The following ADAMTSL1 variants were observed in gnomAD, a reference collection of about 807,000 sequenced individuals.
The protein encoded by ADAMTSL1 is ADAMTS-like protein 1.
In ADAMTSL1, 126 loss-of-function variants were observed where a neutral mutation model predicts 201.8. The ratio of observed to expected loss-of-function variants is 0.62; its 90% confidence interval spans 0.54 to 0.72. The LOEUF is 0.72. Among genes scored for constraint, ADAMTSL1 ranks in the 30% least tolerant of loss-of-function variants. The pLI is 0.00. For missense variants in ADAMTSL1, 2,679 were observed against 2,277.8 expected (o/e 1.18, Z -3.59); for synonymous variants, 1,121 against 903.4 (o/e 1.24, Z -4.32).
chr9:18,298,497 G>C (rs1055270210), intron 2 of ADAMTSL1, among the ~76,000 whole-genome samples: 23 of 152,246 alleles, frequency 1.5e-4, no homozygotes, highest in African/African-American at 5.5e-4. Flanking sequence ...GTCCAGACAG[G>C]TCAGCTCAGA....
intron 14 of ADAMTSL1, chr9:18,717,896 A>T: frequency 1.0e-6 from 1 of 1,001,008 alleles, no homozygotes; most frequent in Non-Finnish European, 1.6e-6. Context: ...TAGGTTTAAC[A>T]AAGTTGGAGT....
At chr9:17,915,630 G>A (rs536450875) in intron 1 of ADAMTSL1, among the ~76,000 whole-genome samples, 2 of 152,180 alleles carry the variant, frequency 1.3e-5, no homozygotes, top group Non-Finnish European at 2.9e-5. Context: ...AACTTTTTAA[G>A]AAACTCAGTT....
intron 23 of ADAMTSL1, among the ~76,000 whole-genome samples, chr9:18,837,602 G>A (rs1307853696): frequency 6.6e-6 from 1 of 152,142 alleles, no homozygotes; most frequent in Non-Finnish European, 1.5e-5. Context: ...TCACACACAT[G>A]CCACCAATAC....
chr9:18,298,819 C>A (rs1039989690), intron 2 of ADAMTSL1, among the ~76,000 whole-genome samples: 1 of 151,606 alleles, frequency 6.6e-6, no homozygotes, highest in African/African-American at 2.4e-5. Flanking sequence ...GTCAGGAGAT[C>A]GAGACCACGG....
chr9:18,717,830 A>G, intron 14 of ADAMTSL1: 1 of 666,748 alleles, frequency 1.5e-6, no homozygotes. Flanking sequence ...CTGATATAGT[A>G]GCTTTCATAT....
At chr9:18,778,681 C>G (rs928385833) in intron 19 of ADAMTSL1, among the ~76,000 whole-genome samples, 2 of 152,212 alleles carry the variant, frequency 1.3e-5, no homozygotes, top group African/African-American at 4.8e-5. Context: ...TAGTGACTAT[C>G]TGCCAGGCAA....
At chr9:18,848,421 G>T (rs1826270015) in intron 23 of ADAMTSL1, among the ~76,000 whole-genome samples, 2 of 152,156 alleles carry the variant, frequency 1.3e-5, no homozygotes, top group Admixed American at 1.3e-4. Flanking sequence ...AAGGTTCTTT[G>T]CTATTCAGAC....
chr9:18,519,636 T>G (rs535979758), intron 2 of ADAMTSL1, among the ~76,000 whole-genome samples: 1 of 152,268 alleles, frequency 6.6e-6, no homozygotes, highest in Non-Finnish European at 1.5e-5. Context: ...GCCACCATTT[T>G]TGTGTCTTTC....
intron 2 of ADAMTSL1, among the ~76,000 whole-genome samples, chr9:18,237,656 T>C (rs1830899150): frequency 6.6e-6 from 1 of 152,224 alleles, no homozygotes. Context: ...AAGTGAAACA[T>C]TACTATTTAG....
chr9:18,525,549 A>G (rs933092080), intron 2 of ADAMTSL1, among the ~76,000 whole-genome samples: 6 of 152,098 alleles, frequency 3.9e-5, no homozygotes, highest in Non-Finnish European at 1.5e-5. Context: ...TGTCAATTTT[A>G]GATCTTTCTT....
At chr9:18,384,210 A>C in intron 2 of ADAMTSL1, among the ~76,000 whole-genome samples, 1 of 152,116 alleles carries the variant, frequency 6.6e-6, no homozygotes, top group Admixed American at 6.6e-5. Context: ...GTCATGTTGG[A>C]GGGCAAAGGG....
chr9:18,450,612 A>G (rs2131669153), intron 2 of ADAMTSL1, among the ~76,000 whole-genome samples: 1 of 151,838 alleles, frequency 6.6e-6, no homozygotes, highest in East Asian at 1.9e-4. Context: ...ATGTATGTAT[A>G]TATGTGCATA....
At chr9:18,315,533 G>A (rs1368354769) in intron 2 of ADAMTSL1, among the ~76,000 whole-genome samples, 1 of 152,156 alleles carries the variant, frequency 6.6e-6, no homozygotes, top group Non-Finnish European at 1.5e-5. Context: ...CGTGGCATGG[G>A]TGGGCCGGCA....
chr9:18,784,207 T>A (rs1821567519), intron 19 of ADAMTSL1, among the ~76,000 whole-genome samples: 1 of 152,132 alleles, frequency 6.6e-6, no homozygotes, highest in African/African-American at 2.4e-5. Flanking sequence ...GATGACCCCC[T>A]CCATCATCCA....
At chr9:17,980,559 G>A (rs1396448312) in intron 1 of ADAMTSL1, among the ~76,000 whole-genome samples, 2 of 151,960 alleles carry the variant, frequency 1.3e-5, no homozygotes, top group Non-Finnish European at 2.9e-5. Context: ...GTTCCCTCAA[G>A]TTCATTTCTT....
chr9:18,437,553 C>A (rs1211972818), intron 2 of ADAMTSL1, among the ~76,000 whole-genome samples: 1 of 152,094 alleles, frequency 6.6e-6, no homozygotes, highest in African/African-American at 2.4e-5. Flanking sequence ...GCCTTCCTAA[C>A]CACCCCCACC....
intron 15 of ADAMTSL1, among the ~76,000 whole-genome samples, chr9:18,729,803 T>A (rs936511312): frequency 3.3e-5 from 5 of 152,180 alleles, no homozygotes; most frequent in African/African-American, 4.8e-5. Context: ...CTGCTCTTCT[T>A]AAGACACTTA....
intron 26 of ADAMTSL1, among the ~76,000 whole-genome samples, chr9:18,896,759 C>A (rs1261293751): frequency 6.6e-6 from 1 of 152,292 alleles, no homozygotes; most frequent in African/African-American, 2.4e-5. Flanking sequence ...GCCAATGCAA[C>A]CAAGGCCTTG....
chr9:18,394,231 G>T (rs1053709522), intron 2 of ADAMTSL1, among the ~76,000 whole-genome samples: 1 of 152,066 alleles, frequency 6.6e-6, no homozygotes, highest in African/African-American at 2.4e-5. Context: ...AATTAGCGGG[G>T]GATTGCATTG....
Sources: allele counts gnomAD v4.1 joint callset (sites outside exome capture counted in the v4.1 genomes callset), GRCh38; gene constraint gnomAD v4.1.1; transcripts MANE v1.5; gene names NCBI Gene and HGNC (gene_info 2026-07-23, HGNC 2026-07-21).